Variants in CCDC6 observed in about 807,000 individuals in gnomAD.
CCDC6 encodes the protein coiled-coil domain-containing protein 6.
In CCDC6, 20 loss-of-function variants were observed where a neutral mutation model predicts 56.6. The observed-to-expected ratio is 0.35, with a 90% CI of 0.25 to 0.51. The LOEUF (loss-of-function observed/expected upper bound fraction) is 0.51. Among genes scored for constraint, CCDC6 ranks in the 20% least tolerant of loss-of-function variants. The pLI is 0.95. For synonymous variants in CCDC6, 241 were observed against 234.4 expected, an observed-to-expected ratio of 1.03 and a Z score of -0.26; for missense variants, 367 against 601.1, an observed-to-expected ratio of 0.61 and a Z score of 4.07.
intron 1 of CCDC6, among the ~76,000 whole-genome samples, chr10:59,875,912 T>C (rs904496734): frequency 6.6e-6 from 1 of 151,994 alleles, no homozygotes; most frequent in Non-Finnish European, 1.5e-5. Flanking sequence ...GCAAAGGAAA[T>C]TGCTATTTGG....
intron 1 of CCDC6, among the ~76,000 whole-genome samples, chr10:59,890,558 A>G (rs1685502494): frequency 6.6e-6 from 1 of 152,170 alleles, no homozygotes; most frequent in African/African-American, 2.4e-5. Flanking sequence ...GCACCCTGAG[A>G]GCTTTCCTAA....
At chr10:59,885,919 C>CAT (rs1564757583) in intron 1 of CCDC6, among the ~76,000 whole-genome samples, 1 of 104,508 alleles carries the variant, frequency 9.6e-6, no homozygotes. Context: ...AACCCCGCCC[C>CAT]CCGCCCCCCC....
chr10:59,881,018 C>T (rs116657209), intron 1 of CCDC6, among the ~76,000 whole-genome samples: 1,719 of 152,088 alleles, frequency 0.011, 33 homozygotes, highest in African/African-American at 0.04. Context: ...TGCCCGACCC[C>T]CTGCTGCACT....
intron 1 of CCDC6, among the ~76,000 whole-genome samples, chr10:59,853,067 G>C (rs376943471): frequency 2.7e-5 from 1 of 36,948 alleles, no homozygotes; most frequent in South Asian, 8.0e-4. Flanking sequence ...CCTGTGCTAT[G>C]GTACATCAAT....
chr10:59,829,009 T>C (rs940273100), intron 3 of CCDC6, among the ~76,000 whole-genome samples: 5 of 152,180 alleles, frequency 3.3e-5, no homozygotes, highest in African/African-American at 1.2e-4. Context: ...GCTGTGAACA[T>C]TCCCTGTTTG....
intron 3 of CCDC6, among the ~76,000 whole-genome samples, chr10:59,818,433 C>T (rs1272665019): frequency 3.5e-5 from 5 of 143,172 alleles, no homozygotes; most frequent in African/African-American, 8.0e-5. Context: ...CCAGCTCAGC[C>T]GTGTGGATTC....
intron 3 of CCDC6, among the ~76,000 whole-genome samples, chr10:59,819,596 C>T (rs1436878017): frequency 6.6e-6 from 1 of 152,180 alleles, no homozygotes; most frequent in Non-Finnish European, 1.5e-5. Flanking sequence ...ATTGCACAAG[C>T]TCATAATATA....
chr10:59,847,259 T>G (rs1769829258), intron 2 of CCDC6, among the ~76,000 whole-genome samples: 2 of 146,608 alleles, frequency 1.4e-5, no homozygotes, highest in South Asian at 4.3e-4. Flanking sequence ...TTCACTATGT[T>G]AGCCAGGATG....
At chr10:59,870,928 G>A (rs1589056405) in intron 1 of CCDC6, among the ~76,000 whole-genome samples, 1 of 152,298 alleles carries the variant, frequency 6.6e-6, no homozygotes, top group South Asian at 2.1e-4. Context: ...GTATTTGGGG[G>A]TCTCCCCATC....
chr10:59,843,000 G>T (rs1001816416), intron 2 of CCDC6, among the ~76,000 whole-genome samples: 3 of 151,780 alleles, frequency 2.0e-5, no homozygotes, highest in African/African-American at 7.3e-5. Flanking sequence ...TGATCCACCT[G>T]CCTCGGCCTC....
At position 59,890,241 on chromosome 10, in the gene CCDC6, C is replaced by T. The variant is rs866053329; in HGVS notation, c.303+15881G>A. Among the ~76,000 whole-genome samples the T allele has an allele frequency of 8.1e-4, 124 of 152,182 alleles. No homozygotes were observed. The Middle Eastern group carries it at 0.01, about 13-fold the overall frequency. On this transcript the variant is annotated intron_variant, in intron 1 of 8. Transcript: ENST00000263102. ...ACATGTGGCCAAGTAACGGCAGATA[C>T]CTGAGACATCCAGTCAACGATGGCT...
chr10:59,878,330 C>A (rs557983006), intron 1 of CCDC6, among the ~76,000 whole-genome samples: 1 of 152,308 alleles, frequency 6.6e-6, no homozygotes, highest in East Asian at 1.9e-4. Flanking sequence ...CAGCTCCCCC[C>A]TTGTTTATTT....
chr10:59,811,148 G>T (rs1037001666), intron 5 of CCDC6, among the ~76,000 whole-genome samples: 2 of 152,180 alleles, frequency 1.3e-5, no homozygotes, highest in Non-Finnish European at 2.9e-5. Context: ...AGATGGTTAA[G>T]TTTGTATTGT....
chr10:59,820,478 C>A (rs1420076002), intron 3 of CCDC6, among the ~76,000 whole-genome samples: 11 of 151,818 alleles, frequency 7.2e-5, no homozygotes, highest in African/African-American at 2.4e-4. Context: ...CTAATCCAGG[C>A]GTAATAAAGA....
intron 1 of CCDC6, among the ~76,000 whole-genome samples, chr10:59,878,327 C>T (rs1284174384): frequency 6.6e-6 from 1 of 152,168 alleles, no homozygotes; most frequent in Non-Finnish European, 1.5e-5. Context: ...TTCCAGCTCC[C>T]CCCTTGTTTA....
intron 3 of CCDC6, among the ~76,000 whole-genome samples, chr10:59,816,460 T>TA (rs1434388222): frequency 6.6e-6 from 1 of 152,198 alleles, no homozygotes; most frequent in Non-Finnish European, 1.5e-5. Flanking sequence ...CTCCTGTAAT[T>TA]ACACTTCTGT....
rs11408656 is a variant in CCDC6, at chr10:59,812,463, CA to C, written c.847+171del. 6.1e-3 allele frequency among the ~76,000 whole-genome samples: 865 copies of C among 141,848 alleles called. 5 individuals carry two copies. Among genetic ancestry groups the C allele is most frequent in the African/African-American group, 0.019 (737 of 38,832 alleles). The allele number at this position is 141,848 out of a possible 152,430, so 93.1% of individuals were successfully genotyped here. On this transcript the variant is annotated intron_variant, in intron 5 of 8. Transcript: ENST00000263102. ...TTTTGTTCTCCCCTACTATAACACT[CA>C]AAAAAAAAAAAAATTCCATTCCAGG...
intron 2 of CCDC6, among the ~76,000 whole-genome samples, chr10:59,834,725 T>C (rs1324508855): frequency 1.3e-5 from 2 of 152,118 alleles, no homozygotes; most frequent in African/African-American, 4.8e-5. Context: ...AAAGCAGGTG[T>C]AAGGAGGTGC....
chr10:59,905,896 C>T (rs1373167576), intron 1 of CCDC6, among the ~76,000 whole-genome samples: 1 of 152,204 alleles, frequency 6.6e-6, no homozygotes, highest in East Asian at 1.9e-4. Flanking sequence ...AGTAGCCTTC[C>T]CCCGCACCGC....
Sources: allele counts gnomAD v4.1 joint callset (sites outside exome capture counted in the v4.1 genomes callset), GRCh38; gene constraint gnomAD v4.1.1; transcripts MANE v1.5; gene names NCBI Gene and HGNC (gene_info 2026-07-23, HGNC 2026-07-21).